SLC18A2: variants seen among roughly 807,000 people sequenced by gnomAD.
SLC18A2 encodes synaptic vesicular amine transporter.
In SLC18A2, 33 loss-of-function variants were observed where a neutral mutation model predicts 59.2. The ratio of observed to expected loss-of-function variants is 0.56; its 90% confidence interval spans 0.42 to 0.75. The LOEUF (loss-of-function observed/expected upper bound fraction) is 0.75. Ranked by LOEUF, SLC18A2 falls within the 30% of genes least tolerant of loss-of-function variation. The pLI, the probability that SLC18A2 is intolerant of heterozygous loss-of-function variation, is 0.00. For synonymous variants in SLC18A2, 228 were observed against 253.5 expected, an observed-to-expected ratio of 0.90 and a Z score of 0.95; for missense variants, 569 against 668.6, an observed-to-expected ratio of 0.85 and a Z score of 1.64.
intron 2 of SLC18A2, 42 bp downstream of exon 2, chr10:117,241,856 C>T (rs780435849): frequency 7.0e-6 from 11 of 1,561,406 alleles, no homozygotes; most frequent in Non-Finnish European, 9.5e-6. Flanking sequence ...ACCCCAGCCC[C>T]AGCGCCCCTT....
chr10:117,269,959 A>G lies in SLC18A2; in HGVS notation c.1187-112A>G. On this transcript the variant is annotated intron_variant, in intron 13 of 15. Transcript: ENST00000644641. This position sits in a 1 kb window ranked among gnomAD's most constrained non-coding sequence, Gnocchi z 5.1. ...ACCCCAAGACTTGCAGGTGGTGATG[A>G]CAGAAGGGGAAGAGCTGGCAGGGTG... The G allele has an allele frequency of 7.7e-7, 1 of 1,301,620 alleles. No individual in the cohort carries two copies. The highest frequency in any genetic ancestry group is 1.1e-6 in the Non-Finnish European group (1 of 928,648). The allele number at this position is 1,301,620 out of a possible 1,614,324, so 80.6% of individuals were successfully genotyped here.
intron 10 of SLC18A2, among the ~76,000 whole-genome samples, chr10:117,264,488 C>T (rs553569531): frequency 2.0e-5 from 3 of 152,286 alleles, no homozygotes; most frequent in South Asian, 2.1e-4. Flanking sequence ...TCTATTGAGA[C>T]TCCACCTCAA....
Position 117,253,390 on chromosome 10 carries a change from G to A in SLC18A2, c.465-9G>A. On this transcript the variant is annotated splice_polypyrimidine_tract_variant and intron_variant, in intron 3 of 15. Coordinates refer to ENST00000644641, the MANE Select transcript of SLC18A2 (RefSeq NM_003054.6). ...GTCACCAGATTTGTCTGATGTTTGT[G>A]TTTTGCAGAATTGGCTATCCAATTC... 1 of 1,610,820 alleles carries A rather than the reference G, an allele frequency of 6.2e-7. No homozygotes were observed. The highest frequency in any genetic ancestry group is 8.5e-7 in the Non-Finnish European group (1 of 1,177,004).
intron 15 of SLC18A2, among the ~76,000 whole-genome samples, chr10:117,271,889 T>C (rs1844431706): frequency 6.6e-6 from 1 of 152,216 alleles, no homozygotes; most frequent in South Asian, 2.1e-4. Flanking sequence ...TGGAGGTTAC[T>C]CAATGTTTTT....
chr10:117,267,177 T>C (rs1198669044), intron 12 of SLC18A2, 142 bp downstream of exon 12: 10 of 664,096 alleles, frequency 1.5e-5, no homozygotes, highest in Non-Finnish European at 2.6e-5. Context: ...TTTTTTATCA[T>C]CTTAAAAATG....
intron 6 of SLC18A2, 138 bp downstream of exon 6, chr10:117,254,635 T>A (rs558948789): frequency 2.0e-6 from 1 of 494,104 alleles, no homozygotes; most frequent in African/African-American, 2.0e-5. Context: ...TTTCCTGCTT[T>A]CATGGAGACT....
Position 117,266,531 on chromosome 10 carries a change from G to A in SLC18A2, c.992-202G>A, listed in dbSNP as rs363263. Among the ~76,000 whole-genome samples the A allele has an allele frequency of 0.025, 3,802 of 152,334 alleles. 150 individuals are homozygous for A. The highest frequency in any genetic ancestry group is 0.084 in the African/African-American group (3,483 of 41,560). On this transcript the variant is annotated intron_variant, in intron 10 of 15. Coordinates refer to ENST00000644641, the MANE Select transcript of SLC18A2 (RefSeq NM_003054.6). Reference sequence around the variant, plus strand: ...TAGAGAAAGGACTTTCATTTCTGGAGTGTCTCAGCAGCTTTGTGTGGAGGA... The same window carrying A: ...TAGAGAAAGGACTTTCATTTCTGGAATGTCTCAGCAGCTTTGTGTGGAGGA...
At position 117,260,375 on chromosome 10, in the gene SLC18A2, C is replaced by T. The variant is rs533230000; in HGVS notation, c.991+2483C>T. Among the ~76,000 whole-genome samples the T allele has an allele frequency of 3.5e-4, 54 of 152,350 alleles. 1 individual carries two copies. The highest frequency in any genetic ancestry group is 1.2e-3 in the African/African-American group (51 of 41,590). ...CTGTGAGGCACAATGGCTCTTGCCT[C>T]TTGCTGGCCTCACCATTTGCAGGTG... On this transcript the variant is annotated intron_variant, in intron 10 of 15. Coordinates refer to ENST00000644641, the MANE Select transcript of SLC18A2 (RefSeq NM_003054.6).
At chr10:117,262,741 C>T (rs961907926) in intron 10 of SLC18A2, among the ~76,000 whole-genome samples, 50 of 152,064 alleles carry the variant, frequency 3.3e-4, no homozygotes, top group African/African-American at 1.2e-3. Flanking sequence ...GTAATCATGG[C>T]TCACTGTAGC....
intron 2 of SLC18A2, among the ~76,000 whole-genome samples, chr10:117,243,442 A>G (rs190562612): frequency 5.7e-4 from 87 of 152,320 alleles, no homozygotes; most frequent in African/African-American, 1.8e-3. Context: ...CGTTGGGGGC[A>G]TGGTTCTTTC....
At chr10:117,271,548 T>C (rs1178033920) in intron 15 of SLC18A2, among the ~76,000 whole-genome samples, 1 of 152,242 alleles carries the variant, frequency 6.6e-6, no homozygotes, top group Non-Finnish European at 1.5e-5. Context: ...TGCCCTTTAT[T>C]TTAAATAGGA....
intron 2 of SLC18A2, among the ~76,000 whole-genome samples, chr10:117,242,074 T>C (rs1844062610): frequency 6.6e-6 from 1 of 152,208 alleles, no homozygotes; most frequent in East Asian, 1.9e-4. Context: ...CCCCTGATAA[T>C]TTCCCGCATC....
chr10:117,244,463 C>T lies in SLC18A2; in HGVS notation c.464+150C>T, dbSNP rs112253480. 5.4e-5 allele frequency: 36 copies of T among 667,942 alleles called. 1 individual carries two copies. The African/African-American group carries it at 5.8e-4, about 11-fold the overall frequency. 41.4% of individuals were successfully genotyped at this position (667,942 alleles called of 1,614,324 possible). A position where few individuals can be genotyped will look rare whatever the true frequency, so the allele number is the denominator to read the frequency against. On this transcript the variant is annotated intron_variant, in intron 3 of 15. Coordinates refer to ENST00000644641, the MANE Select transcript of SLC18A2 (RefSeq NM_003054.6). ...AAAACCCAGTCCCCTTCCCCTATGTCTCTGTTCCCAGATAACCACAATTTC... is the reference window on the plus strand; with the variant it reads ...AAAACCCAGTCCCCTTCCCCTATGTTTCTGTTCCCAGATAACCACAATTTC...
In SLC18A2 at chr10:117,277,875, T is replaced by G. The variant is rs1040058282; in HGVS notation, c.*609T>G. 2 of 152,254 alleles carry G rather than the reference T, an allele frequency of 1.3e-5. No individual in the cohort carries two copies. Among genetic ancestry groups the G allele is most frequent in the Admixed American group, 6.5e-5 (1 of 15,290 alleles). The allele number at this position is 152,254 out of a possible 1,614,324, so 9.4% of individuals were successfully genotyped here. A position where few individuals can be genotyped will look rare whatever the true frequency, so the allele number is the denominator to read the frequency against. Reference sequence around the variant, plus strand: ...AATCTTAGCTGGCATTAGTTTTCTATGTAATCACCTACCTAGAGAGAGTTG... The same window carrying G: ...AATCTTAGCTGGCATTAGTTTTCTAGGTAATCACCTACCTAGAGAGAGTTG... On this transcript the variant is annotated 3_prime_UTR_variant, in exon 16 of 16. Coordinates refer to ENST00000644641, the MANE Select transcript of SLC18A2 (RefSeq NM_003054.6).
intron 10 of SLC18A2, among the ~76,000 whole-genome samples, chr10:117,258,520 C>T (rs363221): frequency 0.049 from 7,521 of 152,240 alleles, 274 homozygotes; most frequent in East Asian, 0.19. Flanking sequence ...ATTTTGTGGC[C>T]ATGTTTCCGT....
At chr10:117,273,325 C>A (rs977089707) in intron 15 of SLC18A2, among the ~76,000 whole-genome samples, 1 of 152,304 alleles carries the variant, frequency 6.6e-6, no homozygotes, top group African/African-American at 2.4e-5. Context: ...GACAGTTACA[C>A]GGTAGCGCTT....
intron 2 of SLC18A2, 22 bp downstream of exon 2, chr10:117,241,836 C>T: frequency 6.3e-7 from 1 of 1,595,518 alleles, no homozygotes. Context: ...CAGGGCACCC[C>T]TGCCCCGGCA....
rs1844394011 is a variant in SLC18A2, at chr10:117,269,246, CACAT to C, written c.1187-823_1187-820del. ...ACACAAATACAAGTACATACACAAA[CACAT>C]ATACACAGACACATACACATGCAAA... On this transcript the variant is annotated intron_variant, in intron 13 of 15. Coordinates refer to ENST00000644641, the MANE Select transcript of SLC18A2 (RefSeq NM_003054.6). The surrounding 1 kb of genome is among the most constrained non-coding windows in gnomAD (Gnocchi z 5.1). Among the ~76,000 whole-genome samples, 1 of 140,334 alleles carries C rather than the reference CACAT, an allele frequency of 7.1e-6. No individual in the cohort carries two copies. Among genetic ancestry groups the C allele is most frequent in the Admixed American group, 6.9e-5 (1 of 14,446 alleles). The allele number at this position is 140,334 out of a possible 152,430, so 92.1% of individuals were successfully genotyped here.
At chr10:117,255,741 T>A (rs1002821465) in intron 9 of SLC18A2, 84 bp downstream of exon 9, 37 of 1,268,894 alleles carry the variant, frequency 2.9e-5, no homozygotes, top group Non-Finnish European at 4.0e-5. Flanking sequence ...CCAGGGCTGA[T>A]TTTCGTTTTG....
Sources: gnomAD v4.1 joint callset for allele counts (sites outside exome capture counted in the v4.1 genomes callset) on GRCh38, gnomAD v4.1.1 for gene constraint, Gnocchi (gnomAD v3.1) non-coding constraint, MANE v1.5 for transcripts, NCBI Gene and HGNC (gene_info 2026-07-23, HGNC 2026-07-21) for gene names.